SCFD2: variants seen among roughly 807,000 people sequenced by gnomAD.
SCFD2 encodes sec1 family domain containing 2.
In SCFD2, 54 loss-of-function variants were observed where a neutral mutation model predicts 58.9. The observed-to-expected ratio is 0.92, with a 90% confidence interval of 0.74 to 1.15. The LOEUF is 1.15. SCFD2 is among the 50% of genes most tolerant of loss of function. The pLI is 0.00. For missense variants in SCFD2, 805 were observed against 836.6 expected (o/e 0.96, Z 0.47); for synonymous variants, 321 against 335.9 (o/e 0.96, Z 0.49).
chr4:53,181,937 A>C (rs1443392725), intron 4 of SCFD2, among the ~76,000 whole-genome samples: 1 of 152,338 alleles, frequency 6.6e-6, no homozygotes, highest in Non-Finnish European at 1.5e-5. Context: ...TAGGAATCCA[A>C]CTTACAAGGG....
intron 4 of SCFD2, among the ~76,000 whole-genome samples, chr4:53,272,821 T>C (rs934021902): frequency 6.6e-5 from 10 of 152,154 alleles, no homozygotes; most frequent in Non-Finnish European, 1.3e-4. Context: ...AACCTGCACG[T>C]TGTGCACATG....
intron 5 of SCFD2, among the ~76,000 whole-genome samples, chr4:53,098,015 C>A (rs1046164170): frequency 6.6e-6 from 1 of 152,148 alleles, no homozygotes; most frequent in African/African-American, 2.4e-5. Context: ...TGCTGGTTTA[C>A]GTTTACTGAT....
intron 4 of SCFD2, among the ~76,000 whole-genome samples, chr4:53,218,631 T>C (rs1728938961): frequency 6.6e-6 from 1 of 152,246 alleles, no homozygotes; most frequent in Non-Finnish European, 1.5e-5. Context: ...TGAAGCCTTC[T>C]TCTCTCAACT....
chr4:53,202,550 C>A (rs1728281316), intron 4 of SCFD2, among the ~76,000 whole-genome samples: 2 of 151,870 alleles, frequency 1.3e-5, no homozygotes, highest in Non-Finnish European at 2.9e-5. Flanking sequence ...TAGTTTTTTC[C>A]AATTCTGTGT....
At chr4:52,905,111 T>C (rs1719314327) in intron 7 of SCFD2, among the ~76,000 whole-genome samples, 1 of 152,258 alleles carries the variant, frequency 6.6e-6, no homozygotes, top group Admixed American at 6.5e-5. Flanking sequence ...AGAAGGCTGG[T>C]AAATGGTTAT....
At chr4:53,062,669 G>T (rs906158726) in intron 5 of SCFD2, among the ~76,000 whole-genome samples, 1 of 152,026 alleles carries the variant, frequency 6.6e-6, no homozygotes. Flanking sequence ...ATCCAAATCA[G>T]GTGTTCTTCC....
intron 2 of SCFD2, among the ~76,000 whole-genome samples, chr4:53,331,470 ACTGAATAACCTGCTC>A (rs1206992899): frequency 6.6e-6 from 1 of 152,242 alleles, no homozygotes; most frequent in African/African-American, 2.4e-5. Flanking sequence ...CTACATGGAA[ACTGAATAACCTGCTC>A]CTGAATGACT....
At chr4:53,346,300 G>C (rs7699124) in intron 2 of SCFD2, among the ~76,000 whole-genome samples, 102,115 of 144,970 alleles carry the variant, frequency 0.7, 36,174 homozygotes, top group Middle Eastern at 0.79. Context: ...TTGAGAGGGA[G>C]TTTCACTCTT....
At position 52,948,196 on chromosome 4, in the gene SCFD2, T is replaced by C. The variant is rs150159186; in HGVS notation, c.1562-27326A>G. On this transcript the variant is annotated intron_variant, in intron 5 of 8. Transcript: ENST00000401642. Reference sequence around the variant, plus strand: ...GAGGGATTAAACGAGATAAAGGCTATTACATGCCTGGAACACAGCAAGTGC... The same window carrying C: ...GAGGGATTAAACGAGATAAAGGCTACTACATGCCTGGAACACAGCAAGTGC... 629 of 228,326 alleles carry C rather than the reference T, an allele frequency of 2.8e-3. 7 individuals are homozygous for C. The highest frequency in any genetic ancestry group is 0.014 in the African/African-American group (601 of 43,746). 14.1% of individuals were successfully genotyped at this position (228,326 alleles called of 1,614,324 possible). A position where few individuals can be genotyped will look rare whatever the true frequency, so the allele number is the denominator to read the frequency against.
At chr4:53,269,192 G>A (rs1731084520) in intron 4 of SCFD2, among the ~76,000 whole-genome samples, 1 of 152,088 alleles carries the variant, frequency 6.6e-6, no homozygotes, top group Admixed American at 6.6e-5. Context: ...AGGAGTGCTG[G>A]TGCATTCCTG....
chr4:53,305,083 C>T (rs1309027662), intron 3 of SCFD2, among the ~76,000 whole-genome samples: 2 of 152,100 alleles, frequency 1.3e-5, no homozygotes, highest in Non-Finnish European at 2.9e-5. Flanking sequence ...CTCTCTGCTG[C>T]AGGTCTGCTT....
At chr4:52,931,092 A>G (rs1719982886) in intron 5 of SCFD2, among the ~76,000 whole-genome samples, 1 of 152,216 alleles carries the variant, frequency 6.6e-6, no homozygotes, top group Admixed American at 6.5e-5. Flanking sequence ...TCCTACTAGG[A>G]ATCACAGCCA....
chr4:53,016,861 C>T (rs770301596), intron 5 of SCFD2, among the ~76,000 whole-genome samples: 1 of 152,176 alleles, frequency 6.6e-6, no homozygotes, highest in Non-Finnish European at 1.5e-5. Flanking sequence ...GTAATCCCAG[C>T]ACTTTGGGAG....
chr4:53,352,541 G>C, intron 2 of SCFD2, 57 bp downstream of exon 2: 1 of 1,421,342 alleles, frequency 7.0e-7, no homozygotes, highest in Non-Finnish European at 9.7e-7. Flanking sequence ...CTCAGTCTAG[G>C]AGAAAAAGAA....
chr4:53,019,432 T>C (rs1212507869), intron 5 of SCFD2, among the ~76,000 whole-genome samples: 1 of 152,178 alleles, frequency 6.6e-6, no homozygotes, highest in African/African-American at 2.4e-5. Context: ...AGTGACTAGA[T>C]GGTGAGAATA....
chr4:52,969,418 G>A (rs978767049), intron 5 of SCFD2, among the ~76,000 whole-genome samples: 2 of 152,150 alleles, frequency 1.3e-5, no homozygotes, highest in Non-Finnish European at 2.9e-5. Context: ...TAGGAAATTA[G>A]AGTTCATGAC....
At chr4:53,191,782 AG>A (rs1727921509) in intron 4 of SCFD2, among the ~76,000 whole-genome samples, 3 of 152,210 alleles carry the variant, frequency 2.0e-5, no homozygotes, top group Admixed American at 2.0e-4. Context: ...GACTGCAAAA[AG>A]GTTTGTCTAT....
intron 4 of SCFD2, among the ~76,000 whole-genome samples, chr4:53,206,772 T>C (rs1728418506): frequency 6.6e-6 from 1 of 152,132 alleles, no homozygotes; most frequent in Non-Finnish European, 1.5e-5. Flanking sequence ...TGAACAGTCA[T>C]TTTTACCATC....
intron 6 of SCFD2, among the ~76,000 whole-genome samples, chr4:52,919,877 A>T (rs1719694579): frequency 6.6e-6 from 1 of 152,218 alleles, no homozygotes. Context: ...ACTCCTCCCC[A>T]CTAACAGCAC....
Sources: gnomAD v4.1 joint callset for allele counts (sites outside exome capture counted in the v4.1 genomes callset) on GRCh38, gnomAD v4.1.1 for gene constraint, MANE v1.5 for transcripts, NCBI Gene and HGNC (gene_info 2026-07-23, HGNC 2026-07-21) for gene names.